The following DCUN1D5 variants were observed in gnomAD, a reference collection of about 807,000 sequenced individuals.
The protein encoded by DCUN1D5 is defective in cullin neddylation 1 domain containing 5, also known as DCN1-like protein 5.
In DCUN1D5, 10 loss-of-function variants were observed where a neutral mutation model predicts 38.3. That is an observed-to-expected ratio of 0.26 (90% confidence interval 0.16 to 0.44). DCUN1D5 has a LOEUF of 0.44. Among genes scored for constraint, DCUN1D5 ranks in the 20% least tolerant of loss-of-function variants. The pLI is 1.00. For synonymous variants in DCUN1D5, 93 were observed against 90.9 expected (o/e 1.02, Z -0.13); for missense variants, 148 against 275.3 (o/e 0.54, Z 3.27).
intron 4 of DCUN1D5, among the ~76,000 whole-genome samples, chr11:103,075,064 G>A (rs1299979025): frequency 6.6e-6 from 1 of 152,178 alleles, no homozygotes; most frequent in Non-Finnish European, 1.5e-5. Flanking sequence ...AGAAGATGGA[G>A]GACGAGGAAT....
At chr11:103,088,399 A>G (rs1030544863) in intron 2 of DCUN1D5, among the ~76,000 whole-genome samples, 1 of 152,212 alleles carries the variant, frequency 6.6e-6, no homozygotes, top group Non-Finnish European at 1.5e-5. Context: ...TTCTAAGGGG[A>G]AAAAAATTCC....
chr11:103,080,878 G>A (rs111371977), intron 4 of DCUN1D5, among the ~76,000 whole-genome samples: 102 of 152,226 alleles, frequency 6.7e-4, no homozygotes, highest in African/African-American at 2.4e-3. Context: ...CGGGCGTGGA[G>A]GCACACGCCC....
chr11:103,066,142 T>C lies in DCUN1D5; in HGVS notation c.555+127A>G. 1.8e-6 allele frequency: 1 copy of C among 545,076 alleles called. No individual in the cohort carries two copies. The highest frequency in any genetic ancestry group is 3.2e-6 in the Non-Finnish European group (1 of 315,416). 33.8% of individuals were successfully genotyped at this position (545,076 alleles called of 1,614,324 possible). On this transcript the variant is annotated intron_variant, in intron 6 of 7. Transcript: ENST00000260247. The surrounding 1 kb of genome is among the most constrained non-coding windows in gnomAD (Gnocchi z 4.7). ...CTAAAAATAGCAACTGATATGTACA[T>C]ATTTTAGAATTTTTTCTCTAAAGTT...
intron 4 of DCUN1D5, among the ~76,000 whole-genome samples, chr11:103,076,530 G>C (rs1489857083): frequency 6.6e-6 from 1 of 152,150 alleles, no homozygotes; most frequent in East Asian, 1.9e-4. Flanking sequence ...AAACAGATTG[G>C]TTAAAATTCT....
In DCUN1D5 at chr11:103,083,643, A is replaced by C. The variant is rs1264859335; in HGVS notation, c.179-317T>G. On this transcript the variant is annotated intron_variant, in intron 2 of 7. Transcript: ENST00000260247. The surrounding 1 kb of genome is among the most constrained non-coding windows in gnomAD (Gnocchi z 4.4). Reference sequence around the variant, plus strand: ...TAAAAAAAAAATTCACTGAGAGCCTACTCTGAATAAAATTTTTGACAATGC... The same window carrying C: ...TAAAAAAAAAATTCACTGAGAGCCTCCTCTGAATAAAATTTTTGACAATGC... Among the ~76,000 whole-genome samples, 1 of 151,954 alleles carries C rather than the reference A, an allele frequency of 6.6e-6. No homozygotes were observed. Among genetic ancestry groups the C allele is most frequent in the Non-Finnish European group, 1.5e-5 (1 of 67,906 alleles).
rs1355834722 is a variant in DCUN1D5, at chr11:103,059,863, C to T, written c.*2496G>A. ...AACAACTCAACTCCATGTTATAAAG[C>T]ACCATACGGTATTTCATCCTGTACA... On this transcript the variant is annotated 3_prime_UTR_variant, in exon 8 of 8. Transcript: ENST00000260247. 6.6e-6 allele frequency among the ~76,000 whole-genome samples: 1 copy of T among 152,064 alleles called. No individual in the cohort carries two copies. Among genetic ancestry groups the T allele is most frequent in the Admixed American group, 6.6e-5 (1 of 15,266 alleles).
At position 103,057,174 on chromosome 11, in the gene DCUN1D5, T is replaced by C. The variant is rs1861895555; in HGVS notation, c.*5185A>G. Reference sequence around the variant, plus strand: ...CTGTGTATGAACTTGCTCTAAGCCATTTTATTTGCATGACAGAATAGTAAA... The same window carrying C: ...CTGTGTATGAACTTGCTCTAAGCCACTTTATTTGCATGACAGAATAGTAAA... On this transcript the variant is annotated 3_prime_UTR_variant, in exon 8 of 8. Coordinates refer to ENST00000260247, the MANE Select transcript of DCUN1D5 (RefSeq NM_032299.4). This position sits in a 1 kb window ranked among gnomAD's most constrained non-coding sequence, Gnocchi z 4.8. Among the ~76,000 whole-genome samples the C allele has an allele frequency of 6.6e-6, 1 of 152,246 alleles. No individual in the cohort carries two copies. Among genetic ancestry groups the C allele is most frequent in the Admixed American group, 6.5e-5 (1 of 15,286 alleles).
chr11:103,068,803 A>T (rs1862199186), intron 4 of DCUN1D5, among the ~76,000 whole-genome samples: 1 of 149,250 alleles, frequency 6.7e-6, no homozygotes, highest in Non-Finnish European at 1.5e-5. Context: ...TTACCTATGT[A>T]ACAAAGCTTC....
At position 103,091,586 on chromosome 11, in the gene DCUN1D5, A is replaced by G. The variant is rs926715004; in HGVS notation, c.86+201T>C. On this transcript the variant is annotated intron_variant, in intron 1 of 7. Coordinates refer to ENST00000260247, the MANE Select transcript of DCUN1D5 (RefSeq NM_032299.4). The surrounding 1 kb of genome is among the most constrained non-coding windows in gnomAD (Gnocchi z 4.3). ...TGGGCGGCTCTTCTAGTCTCTCCATAAACGCCAGCGTGCACACACTCGAAC... is the reference window on the plus strand; with the variant it reads ...TGGGCGGCTCTTCTAGTCTCTCCATGAACGCCAGCGTGCACACACTCGAAC... 2 of 869,382 alleles carry G rather than the reference A, an allele frequency of 2.3e-6. No homozygotes were observed. Among genetic ancestry groups the G allele is most frequent in the African/African-American group, 3.4e-5 (2 of 59,402 alleles). 53.9% of individuals were successfully genotyped at this position (869,382 alleles called of 1,614,324 possible).
At chr11:103,068,362 T>TA (rs1248252397) in intron 4 of DCUN1D5, among the ~76,000 whole-genome samples, 1 of 152,086 alleles carries the variant, frequency 6.6e-6, no homozygotes, top group East Asian at 1.9e-4. Context: ...CATCCTACCA[T>TA]AAAGATATGC....
intron 4 of DCUN1D5, among the ~76,000 whole-genome samples, chr11:103,076,045 G>C (rs1862400204): frequency 6.6e-6 from 1 of 152,158 alleles, no homozygotes; most frequent in Non-Finnish European, 1.5e-5. Context: ...CATAATGTGA[G>C]TCACATCTTT....
At chr11:103,070,871 T>C (rs1246633778) in intron 4 of DCUN1D5, among the ~76,000 whole-genome samples, 1 of 152,072 alleles carries the variant, frequency 6.6e-6, no homozygotes, top group Non-Finnish European at 1.5e-5. Flanking sequence ...AAGAATGTGT[T>C]CTCTGACAAC....
chr11:103,058,028 G>A lies in DCUN1D5; in HGVS notation c.*4331C>T, dbSNP rs1861917872. ...CGTTTGCTATTAACTCCCATTTATG[G>A]ACCATAGAGCCAAAAATAAATGCAA... On this transcript the variant is annotated 3_prime_UTR_variant, in exon 8 of 8. Transcript: ENST00000260247. Among the ~76,000 whole-genome samples, 1 of 152,024 alleles carries A rather than the reference G, an allele frequency of 6.6e-6. No individual in the cohort carries two copies. Among genetic ancestry groups the A allele is most frequent in the Non-Finnish European group, 1.5e-5 (1 of 67,990 alleles).
At position 103,073,706 on chromosome 11, in the gene DCUN1D5, A is replaced by G. The variant is rs78806307; in HGVS notation, c.342-7139T>C. 2.2e-4 allele frequency among the ~76,000 whole-genome samples: 33 copies of G among 152,346 alleles called. No individual in the cohort carries two copies. In the East Asian group the frequency reaches 5.6e-3, roughly 26 times the overall value. On this transcript the variant is annotated intron_variant, in intron 4 of 7. Coordinates refer to ENST00000260247, the MANE Select transcript of DCUN1D5 (RefSeq NM_032299.4). This position sits in a 1 kb window ranked among gnomAD's most constrained non-coding sequence, Gnocchi z 4.2. ...AATTTAATAATGGAAGGCTTCTAGA[A>G]AAATACATGAGAAAATTCTCATGAT...
intron 2 of DCUN1D5, among the ~76,000 whole-genome samples, chr11:103,085,639 A>C (rs1268859982): frequency 1.3e-5 from 2 of 152,184 alleles, no homozygotes; most frequent in African/African-American, 4.8e-5. Context: ...TCTAAGTCTA[A>C]AGCGAGGTCT....
In DCUN1D5 at chr11:103,091,698, A is replaced by C. The variant is rs1390094632; in HGVS notation, c.86+89T>G. ...AGGGGCCTCACCTGTCTCCAGCCCC[A>C]GCCCGGCAGGCCGGGCCCGACTCCT... On this transcript the variant is annotated intron_variant, in intron 1 of 7. Coordinates refer to ENST00000260247, the MANE Select transcript of DCUN1D5 (RefSeq NM_032299.4). The surrounding 1 kb of genome is among the most constrained non-coding windows in gnomAD (Gnocchi z 4.3). 4 of 1,610,746 alleles carry C rather than the reference A, an allele frequency of 2.5e-6. No homozygotes were observed. Among genetic ancestry groups the C allele is most frequent in the African/African-American group, 1.3e-5 (1 of 75,002 alleles).
intron 1 of DCUN1D5, among the ~76,000 whole-genome samples, chr11:103,090,003 T>C (rs1172181695): frequency 6.6e-6 from 1 of 152,164 alleles, no homozygotes; most frequent in Non-Finnish European, 1.5e-5. Flanking sequence ...AAGTTCAAAA[T>C]GGCCTCTAGA....
rs556691920 is a variant in DCUN1D5, at chr11:103,078,812, T to C, written c.341+3936A>G. On this transcript the variant is annotated intron_variant, in intron 4 of 7. Coordinates refer to ENST00000260247, the MANE Select transcript of DCUN1D5 (RefSeq NM_032299.4). The surrounding 1 kb of genome is among the most constrained non-coding windows in gnomAD (Gnocchi z 4.6). ...TTTCCTGTATCCTCAACAAACAAAA[T>C]CCTAATCATTCTTCATGTTCTAGTT... Among the ~76,000 whole-genome samples the C allele has an allele frequency of 4.2e-4, 64 of 152,304 alleles. No homozygotes were observed. Among genetic ancestry groups the C allele is most frequent in the Non-Finnish European group, 8.4e-4 (57 of 68,026 alleles).
intron 4 of DCUN1D5, among the ~76,000 whole-genome samples, chr11:103,081,090 T>A (rs1356415412): frequency 6.6e-6 from 1 of 152,086 alleles, no homozygotes; most frequent in African/African-American, 2.4e-5. Flanking sequence ...TTCAGAAGTA[T>A]ATATTAGAAA....
Sources: gnomAD v4.1 joint callset for allele counts (sites outside exome capture counted in the v4.1 genomes callset) on GRCh38, gnomAD v4.1.1 for gene constraint, Gnocchi (gnomAD v3.1) non-coding constraint, MANE v1.5 for transcripts, NCBI Gene and HGNC (gene_info 2026-07-23, HGNC 2026-07-21) for gene names.